STK3: variants seen among roughly 807,000 people sequenced by gnomAD.
STK3 encodes serine/threonine kinase 3.
STK3 carries 41 observed loss-of-function variants against 58.0 expected under a neutral mutation model. The ratio of observed to expected loss-of-function variants is 0.71; its 90% CI spans 0.55 to 0.92. The LOEUF (loss-of-function observed/expected upper bound fraction) is 0.92. Among genes scored for constraint, STK3 ranks in the 40% least tolerant of loss-of-function variants. The pLI is 0.00. For missense variants in STK3, 479 were observed against 602.7 expected (o/e 0.79, Z 2.15); for synonymous variants, 170 against 191.0 (o/e 0.89, Z 0.91).
rs181790852 is a variant in STK3, at chr8:98,756,098, G to A, written c.237-6708C>T. ...GCAGAGGTTGCAGAGAGACGAGATCGTGCCACTGCACTCCTGCCTGGCAGA... is the reference window on the plus strand; with the variant it reads ...GCAGAGGTTGCAGAGAGACGAGATCATGCCACTGCACTCCTGCCTGGCAGA... On this transcript the variant is annotated intron_variant, in intron 3 of 10. Coordinates refer to ENST00000419617, the MANE Select transcript of STK3 (RefSeq NM_006281.4). Among the ~76,000 whole-genome samples the A allele has an allele frequency of 2.8e-4, 42 of 151,906 alleles. 1 individual carries two copies. The highest frequency in any genetic ancestry group is 2.4e-4 in the African/African-American group (10 of 41,424).
chr8:98,927,487 C>T (rs76609573), intron 1 of STK3, among the ~76,000 whole-genome samples: 2,916 of 152,318 alleles, frequency 0.019, 60 homozygotes, highest in Non-Finnish European at 0.028. Flanking sequence ...TCTTCTCCTA[C>T]TACTAGTGTT....
chr8:98,639,745 A>G lies in STK3; in HGVS notation c.685-43576T>C, dbSNP rs905493759. Among the ~76,000 whole-genome samples, 3 of 152,136 alleles carry G rather than the reference A, an allele frequency of 2.0e-5. No homozygotes were observed. In the South Asian group the frequency reaches 6.2e-4, roughly 31 times the overall value. The stretch of plus-strand genomic sequence containing the variant: ...TTCATATCTTTTTAAGTGTTTTTCC[A>G]TGTTAACGTGAAGGTGTGTTTCTTA... On this transcript the variant is annotated intron_variant, in intron 6 of 10. Coordinates refer to ENST00000419617, the MANE Select transcript of STK3 (RefSeq NM_006281.4).
intron 2 of STK3, among the ~76,000 whole-genome samples, chr8:98,771,754 G>A (rs984776928): frequency 1.3e-5 from 2 of 149,434 alleles, no homozygotes; most frequent in Non-Finnish European, 2.9e-5. Context: ...TAGTAGAGAT[G>A]GCTACTCTAC....
At chr8:98,915,552 T>C (rs1839318051) in intron 1 of STK3, among the ~76,000 whole-genome samples, 1 of 150,416 alleles carries the variant, frequency 6.6e-6, no homozygotes, top group Non-Finnish European at 1.5e-5. Context: ...TAGTACTTAA[T>C]ATACACAAAA....
chr8:98,824,383 G>C (rs531797546), intron 1 of STK3, among the ~76,000 whole-genome samples: 117 of 152,336 alleles, frequency 7.7e-4, no homozygotes, highest in Non-Finnish European at 1.2e-3. Flanking sequence ...ATAGAGAGCT[G>C]CACTTCAATT....
chr8:98,913,849 G>C (rs7829389), intron 1 of STK3, among the ~76,000 whole-genome samples: 25,948 of 152,244 alleles, frequency 0.17, 2,663 homozygotes, highest in African/African-American at 0.29. Flanking sequence ...CCTGGGGTCT[G>C]TCTTTACTGA....
Position 98,546,622 on chromosome 8 carries a change from C to T in STK3, c.1141+1347G>A, listed in dbSNP as rs573654390. ...ACAGAGTCTTTGTGATCCACTTGTA[C>T]CCCAACACTAGCTGGTTCTGGAGGC... On this transcript the variant is annotated intron_variant, in intron 9 of 10. Transcript: ENST00000419617. Among the ~76,000 whole-genome samples, 7 of 152,176 alleles carry T rather than the reference C, an allele frequency of 4.6e-5. No homozygotes were observed. The East Asian group carries it at 1.4e-3, about 29-fold the overall frequency.
At chr8:98,813,848 G>A (rs921340143) in intron 1 of STK3, among the ~76,000 whole-genome samples, 1 of 152,090 alleles carries the variant, frequency 6.6e-6, no homozygotes, top group Non-Finnish European at 1.5e-5. Flanking sequence ...ATTTGAAAAT[G>A]CTCTAACATA....
chr8:98,439,734 C>T (rs1818623912), intron 1 of STK3, among the ~76,000 whole-genome samples: 1 of 152,162 alleles, frequency 6.6e-6, no homozygotes, highest in South Asian at 2.1e-4. Flanking sequence ...ATTGCTGATC[C>T]TCTAGCAAAA....
At chr8:98,459,843 G>T (rs759728561) in intron 10 of STK3, among the ~76,000 whole-genome samples, 2 of 152,226 alleles carry the variant, frequency 1.3e-5, no homozygotes, top group African/African-American at 4.8e-5. Flanking sequence ...CCTCTACCTA[G>T]ACTTCAGAGG....
At chr8:98,919,121 A>G (rs73279725) in intron 1 of STK3, among the ~76,000 whole-genome samples, 2 of 152,188 alleles carry the variant, frequency 1.3e-5, no homozygotes, top group Non-Finnish European at 2.9e-5. Flanking sequence ...ATTCTGCCAT[A>G]CATACTGTAC....
intron 1 of STK3, among the ~76,000 whole-genome samples, chr8:98,446,455 G>A (rs1459083496): frequency 6.6e-6 from 1 of 152,176 alleles, no homozygotes; most frequent in East Asian, 1.9e-4. Context: ...AGGGTTTTCT[G>A]TGCATCTCTC....
intron 6 of STK3, among the ~76,000 whole-genome samples, chr8:98,624,894 TAG>T (rs1491136478): frequency 6.7e-5 from 10 of 150,360 alleles, no homozygotes; most frequent in African/African-American, 2.4e-4. Context: ...AGTGACAGAG[TAG>T]AGTCTTGGCT....
intron 1 of STK3, among the ~76,000 whole-genome samples, chr8:98,823,513 C>T (rs1182566676): frequency 2.6e-5 from 4 of 152,214 alleles, no homozygotes; most frequent in Admixed American, 6.5e-5. Flanking sequence ...AATTCTGGCA[C>T]TTTCTCCACT....
chr8:98,390,191 T>C (rs1344483695), upstream of STK3, among the ~76,000 whole-genome samples: 1 of 152,244 alleles, frequency 6.6e-6, no homozygotes, highest in Non-Finnish European at 1.5e-5. Flanking sequence ...TCCTTAGCAA[T>C]TCTTTTTGAG....
chr8:98,907,210 A>T (rs781401912), intron 1 of STK3, among the ~76,000 whole-genome samples: 3 of 151,772 alleles, frequency 2.0e-5, no homozygotes, highest in Non-Finnish European at 4.4e-5. Flanking sequence ...CACAAATAGA[A>T]GTATATAGAA....
chr8:98,811,385 T>C (rs914255899), intron 1 of STK3, among the ~76,000 whole-genome samples: 9 of 152,146 alleles, frequency 5.9e-5, no homozygotes, highest in African/African-American at 1.9e-4. Flanking sequence ...ACTTAATGAG[T>C]CATAAGTGTT....
chr8:98,360,885 C>T, the STK3 span, among the ~76,000 whole-genome samples: 3 of 152,296 alleles, frequency 2.0e-5, no homozygotes, highest in East Asian at 3.9e-4. Flanking sequence ...GCAAAATGAT[C>T]CATAAACAAA....
At chr8:98,389,656 A>G (rs1004940973), upstream of STK3, among the ~76,000 whole-genome samples, 2 of 151,630 alleles carry the variant, frequency 1.3e-5, no homozygotes, top group African/African-American at 4.8e-5. Context: ...TGTGACAGCA[A>G]GCATACCTGT....
Sources: gnomAD v4.1 joint callset for allele counts (sites outside exome capture counted in the v4.1 genomes callset) on GRCh38, gnomAD v4.1.1 for gene constraint, MANE v1.5 for transcripts, NCBI Gene and HGNC (gene_info 2026-07-23, HGNC 2026-07-21) for gene names.